The following HFM1 variants were observed in gnomAD, a reference collection of about 807,000 sequenced individuals.
HFM1 encodes helicase for meiosis 1.
HFM1 carries 169 observed loss-of-function variants against 192.1 expected under a neutral mutation model. The observed-to-expected ratio is 0.88, with a 90% CI of 0.78 to 1.00. HFM1 has a LOEUF of 1.00. Among genes scored for constraint, HFM1 ranks in the 50% least tolerant of loss-of-function variants. The probability of loss-of-function intolerance (pLI) is 0.00; values close to 1 mark genes in which losing one functional copy is unlikely to be tolerated. For synonymous variants in HFM1, 525 were observed against 537.8 expected (o/e 0.98, Z 0.33); for missense variants, 1,661 against 1,668.0 (o/e 1.00, Z 0.07).
intron 13 of HFM1, among the ~76,000 whole-genome samples, chr1:91,374,049 G>A (rs188154): frequency 1 from 152,131 of 152,314 alleles, 75,974 homozygotes; most frequent in Non-Finnish European, 1. Context: ...GAAACTGATG[G>A]CTATGGAAAA....
chr1:91,274,841 C>A, intron 32 of HFM1, 32 bp from the exon 33 acceptor site: 1 of 1,117,750 alleles, frequency 8.9e-7, no homozygotes, highest in Non-Finnish European at 1.3e-6. Flanking sequence ...GTTCAACTAT[C>A]AGTTTCACAT....
chr1:91,325,711 C>T (rs1652798931), intron 20 of HFM1, among the ~76,000 whole-genome samples: 1 of 152,104 alleles, frequency 6.6e-6, no homozygotes, highest in African/African-American at 2.4e-5. Context: ...AATGCTCAGA[C>T]ACCAAAGAAC....
intron 30 of HFM1, among the ~76,000 whole-genome samples, chr1:91,311,323 G>A (rs1055834449): frequency 2.0e-5 from 3 of 152,066 alleles, no homozygotes; most frequent in Non-Finnish European, 2.9e-5. Context: ...TACTCTTAAA[G>A]GCATTCAGTT....
At position 91,272,715 on chromosome 1, in the gene HFM1, T is replaced by C. The variant is rs576928699; in HGVS notation, c.3772+997A>G. ...TGAATAAGTTGGATAAATGCTCTGG[T>C]TCTCCAGGTGAGATTAGGGAACTTT... On this transcript the variant is annotated intron_variant, in intron 34 of 38. Coordinates refer to ENST00000370425, the MANE Select transcript of HFM1 (RefSeq NM_001017975.6). 7.2e-5 allele frequency among the ~76,000 whole-genome samples: 11 copies of C among 152,214 alleles called. No homozygotes were observed. The South Asian group carries it at 1.9e-3, about 26-fold the overall frequency.
chr1:91,341,384 G>A (rs550815022), intron 20 of HFM1, among the ~76,000 whole-genome samples: 1 of 152,226 alleles, frequency 6.6e-6, no homozygotes, highest in East Asian at 1.9e-4. Context: ...CTTTGTAACT[G>A]ATGAAAACAA....
chr1:91,296,203 G>A (rs1194739502), intron 30 of HFM1, among the ~76,000 whole-genome samples: 1 of 152,214 alleles, frequency 6.6e-6, no homozygotes, highest in Non-Finnish European at 1.5e-5. Flanking sequence ...GCAGGCGTGA[G>A]CCACCGCGCC....
intron 3 of HFM1, among the ~76,000 whole-genome samples, 162 bp from the exon 4 acceptor site, chr1:91,394,564 T>C (rs1025457628): frequency 3.3e-5 from 5 of 152,082 alleles, no homozygotes; most frequent in Non-Finnish European, 5.9e-5. Context: ...TTTTAAAATA[T>C]AGGTGATTGT....
At chr1:91,292,332 T>C (rs10923000) in intron 30 of HFM1, among the ~76,000 whole-genome samples, 486 of 628 alleles carry the variant, frequency 0.77, 234 homozygotes, top group East Asian at 1. Context: ...TCTCCTTAAG[T>C]TGTTAAGCAA....
At chr1:91,286,150 C>A (rs192739275) in intron 30 of HFM1, among the ~76,000 whole-genome samples, 4 of 152,308 alleles carry the variant, frequency 2.6e-5, no homozygotes, top group African/African-American at 9.6e-5. Context: ...AATATCAGCA[C>A]CCCTAGAAAC....
intron 6 of HFM1, among the ~76,000 whole-genome samples, chr1:91,383,195 T>A (rs1404247549): frequency 6.6e-6 from 1 of 152,082 alleles, no homozygotes; most frequent in Admixed American, 6.6e-5. Flanking sequence ...AACAACAGAA[T>A]CACTTCAGCT....
chr1:91,356,633 C>T (rs1657775958), intron 13 of HFM1, among the ~76,000 whole-genome samples: 1 of 150,494 alleles, frequency 6.6e-6, no homozygotes, highest in African/African-American at 2.4e-5. Context: ...AAATAGAGAT[C>T]CACCAAAAAA....
chr1:91,293,576 T>C (rs1176847905), intron 30 of HFM1, among the ~76,000 whole-genome samples: 20 of 149,128 alleles, frequency 1.3e-4, no homozygotes, highest in Admixed American at 8.7e-4. Flanking sequence ...TGTGGAGAAA[T>C]AGGAACACTT....
In HFM1 at chr1:91,394,154, C is replaced by G. The variant is rs900992140; in HGVS notation, c.433G>C (p.Asp145His). 1.2e-6 allele frequency: 2 copies of G among 1,608,872 alleles called. No individual in the cohort carries two copies. Among genetic ancestry groups the G allele is most frequent in the South Asian group, 1.1e-5 (1 of 90,568 alleles). Residue 145 changes from aspartate to histidine, a missense_variant, in exon 4 of 39, where the codon GAT becomes CAT. Physicochemically the swap from Asp to His is moderately conservative, Grantham distance 81. Transcript: ENST00000370425. ...EIAPEKSVPD[D>H]TKLVNFAEDK... The stretch of plus-strand genomic sequence containing the variant: ...TCTGCAAAATTAACTAATTTTGTAT[C>G]ATCAGGAACACTCTTCTCAGGTGCT...
chr1:91,391,667 A>T (rs1663008220), intron 4 of HFM1, among the ~76,000 whole-genome samples: 1 of 152,218 alleles, frequency 6.6e-6, no homozygotes, highest in African/African-American at 2.4e-5. Context: ...AACCTAGGCA[A>T]TACCACTCAG....
chr1:91,342,151 ATT>A (rs1655443431), intron 20 of HFM1, among the ~76,000 whole-genome samples: 1 of 111,800 alleles, frequency 8.9e-6, no homozygotes, highest in African/African-American at 3.4e-5. Flanking sequence ...AAAAAAAAAA[ATT>A]CAGGCGAATA....
intron 38 of HFM1, among the ~76,000 whole-genome samples, chr1:91,261,991 G>GT (rs1406759899): frequency 6.6e-6 from 1 of 152,142 alleles, no homozygotes; most frequent in Admixed American, 6.5e-5. Context: ...ATCAGTAAAA[G>GT]TAAGTTTATC....
At chr1:91,307,025 T>C (rs1649705460) in intron 30 of HFM1, among the ~76,000 whole-genome samples, 1 of 152,194 alleles carries the variant, frequency 6.6e-6, no homozygotes, top group Admixed American at 6.5e-5. Flanking sequence ...AACTTTTTGA[T>C]ATACAATGTA....
At chr1:91,330,087 C>G (rs985906513) in intron 20 of HFM1, among the ~76,000 whole-genome samples, 24 of 152,176 alleles carry the variant, frequency 1.6e-4, no homozygotes, top group African/African-American at 5.3e-4. Flanking sequence ...CTTGGGTGGG[C>G]AGACACTCGA....
intron 13 of HFM1, among the ~76,000 whole-genome samples, chr1:91,364,930 G>A (rs1447348151): frequency 6.6e-6 from 1 of 151,736 alleles, no homozygotes. Context: ...ACCGCGCCTG[G>A]TGTGTATATA....
Sources: allele counts gnomAD v4.1 joint callset (sites outside exome capture counted in the v4.1 genomes callset), GRCh38; gene constraint gnomAD v4.1.1; transcripts MANE v1.5; gene names NCBI Gene and HGNC (gene_info 2026-07-23, HGNC 2026-07-21).